Variants in TCERG1L observed in about 807,000 individuals in gnomAD.
The protein encoded by TCERG1L is transcription elongation regulator 1-like protein.
In TCERG1L, 37 loss-of-function variants were observed where a neutral mutation model predicts 56.3. The observed-to-expected ratio is 0.66, with a 90% CI of 0.51 to 0.87. TCERG1L has a LOEUF of 0.87. Among genes scored for constraint, TCERG1L ranks in the 40% least tolerant of loss-of-function variants. The pLI is 0.00. For synonymous variants in TCERG1L, 324 were observed against 326.3 expected (o/e 0.99, Z 0.08); for missense variants, 799 against 774.2 (o/e 1.03, Z -0.38).
chr10:131,237,799 C>T (rs934955617), intron 4 of TCERG1L, among the ~76,000 whole-genome samples: 8 of 152,178 alleles, frequency 5.3e-5, no homozygotes, highest in African/African-American at 1.9e-4. Flanking sequence ...TCCCTGTAGG[C>T]AGCGAGGGCC....
At chr10:131,211,687 C>G (rs145509750) in intron 4 of TCERG1L, among the ~76,000 whole-genome samples, 308 of 152,190 alleles carry the variant, frequency 2.0e-3, no homozygotes, top group Admixed American at 4.5e-3. Context: ...AAATGCAGCA[C>G]GAAAATTGCA....
chr10:131,274,234 C>T (rs1038559729), intron 3 of TCERG1L, among the ~76,000 whole-genome samples: 1 of 152,186 alleles, frequency 6.6e-6, no homozygotes, highest in Non-Finnish European at 1.5e-5. Context: ...AACGATCATT[C>T]TGTTTCTTCA....
rs1359603463 is a variant in TCERG1L at position 131,192,490 on chromosome 10, C to T, written c.857-25605G>A. On this transcript the variant is annotated intron_variant, in intron 4 of 11. Coordinates refer to ENST00000368642, the MANE Select transcript of TCERG1L (RefSeq NM_174937.4). ...CCTTAAAGAGTTAAAAGTAGATCTA[C>T]CATTTGATCCAGCAATCCCACTACT... Among the ~76,000 whole-genome samples, 10 of 144,064 alleles carry T rather than the reference C, an allele frequency of 6.9e-5. 3 individuals carry two copies. Among genetic ancestry groups the T allele is most frequent in the African/African-American group, 1.6e-4 (6 of 38,220 alleles). 94.5% of individuals were successfully genotyped at this position (144,064 alleles called of 152,430 possible). A position where few individuals can be genotyped will look rare whatever the true frequency, so the allele number is the denominator to read the frequency against.
At chr10:131,254,331 G>A (rs576345653) in intron 4 of TCERG1L, among the ~76,000 whole-genome samples, 1 of 127,958 alleles carries the variant, frequency 7.8e-6, no homozygotes, top group East Asian at 2.3e-4. Flanking sequence ...AGTAAGTATT[G>A]ATTTATTTAT....
chr10:131,174,366 C>A (rs1846124688), intron 4 of TCERG1L, among the ~76,000 whole-genome samples: 1 of 152,182 alleles, frequency 6.6e-6, no homozygotes, highest in Non-Finnish European at 1.5e-5. Flanking sequence ...CTCCTTGAAG[C>A]TGGCGCAGGT....
intron 4 of TCERG1L, among the ~76,000 whole-genome samples, chr10:131,226,881 A>T (rs1224539637): frequency 6.6e-6 from 1 of 152,216 alleles, no homozygotes; most frequent in Non-Finnish European, 1.5e-5. Context: ...TCCTGCTTCA[A>T]CCAAAAAACA....
At chr10:131,120,302 G>A (rs1332463378) in intron 8 of TCERG1L, among the ~76,000 whole-genome samples, 1 of 152,176 alleles carries the variant, frequency 6.6e-6, no homozygotes, top group Admixed American at 6.5e-5. Flanking sequence ...AGACCCAGTG[G>A]AGCTGAGTTC....
In TCERG1L at chr10:131,223,174, G is replaced by A. The variant is rs145115793; in HGVS notation, c.856+37085C>T. On this transcript the variant is annotated intron_variant, in intron 4 of 11. Coordinates refer to ENST00000368642, the MANE Select transcript of TCERG1L (RefSeq NM_174937.4). ...GCACTTCCTCGCGCCAGGAGACCAG[G>A]AGATCTGCCACCTGCACCAGCAGCC... is the stretch of plus-strand genomic sequence containing the variant. Among the ~76,000 whole-genome samples, 604 of 152,340 alleles carry A rather than the reference G, an allele frequency of 4.0e-3. 5 individuals carry two copies. The highest frequency in any genetic ancestry group is 0.013 in the African/African-American group (550 of 41,580).
intron 4 of TCERG1L, among the ~76,000 whole-genome samples, chr10:131,189,858 A>C (rs1297396395): frequency 6.6e-6 from 1 of 152,164 alleles, no homozygotes. Context: ...TTATCTTTTT[A>C]ATAATAGCCA....
At chr10:131,229,954 A>T (rs1845831333) in intron 4 of TCERG1L, among the ~76,000 whole-genome samples, 1 of 152,218 alleles carries the variant, frequency 6.6e-6, no homozygotes, top group Non-Finnish European at 1.5e-5. Flanking sequence ...GCATTGTACA[A>T]GGACGAGGCA....
chr10:131,238,235 C>G (rs987912766), intron 4 of TCERG1L, among the ~76,000 whole-genome samples: 4 of 152,182 alleles, frequency 2.6e-5, no homozygotes, highest in African/African-American at 9.6e-5. Context: ...TTCCGTTGTG[C>G]AGCCATCTCG....
intron 4 of TCERG1L, among the ~76,000 whole-genome samples, chr10:131,168,753 C>G (rs1159780728): frequency 6.6e-6 from 1 of 152,202 alleles, no homozygotes; most frequent in Non-Finnish European, 1.5e-5. Context: ...ATAGGCTGAG[C>G]AGGGATCCCT....
intron 3 of TCERG1L, among the ~76,000 whole-genome samples, chr10:131,263,394 C>G (rs1846251645): frequency 6.6e-6 from 1 of 152,174 alleles, no homozygotes; most frequent in South Asian, 2.1e-4. Flanking sequence ...TGAACTCCCC[C>G]ACTGAACACT....
At chr10:131,202,068 A>T (rs1294784298) in intron 4 of TCERG1L, among the ~76,000 whole-genome samples, 1 of 152,176 alleles carries the variant, frequency 6.6e-6, no homozygotes, top group Non-Finnish European at 1.5e-5. Flanking sequence ...AGACAAACTA[A>T]TTAAGAGTCT....
chr10:131,220,108 G>A (rs1460561649), intron 4 of TCERG1L, among the ~76,000 whole-genome samples: 1 of 152,170 alleles, frequency 6.6e-6, no homozygotes, highest in Non-Finnish European at 1.5e-5. Flanking sequence ...CACCCGCATG[G>A]CCTTTCAGAG....
At chr10:131,280,536 T>C (rs1424422867) in intron 3 of TCERG1L, among the ~76,000 whole-genome samples, 9 of 150,594 alleles carry the variant, frequency 6.0e-5, no homozygotes, top group Admixed American at 2.0e-4. Context: ...GATGCACTTA[T>C]CTCAGTGAGC....
chr10:131,098,703 G>T (rs1845274297), intron 10 of TCERG1L, among the ~76,000 whole-genome samples: 1 of 152,212 alleles, frequency 6.6e-6, no homozygotes, highest in Non-Finnish European at 1.5e-5. Flanking sequence ...GAAACCCGGA[G>T]AATGACTTGG....
At chr10:131,165,556 T>G (rs1025501600) in intron 5 of TCERG1L, among the ~76,000 whole-genome samples, 1 of 152,200 alleles carries the variant, frequency 6.6e-6, no homozygotes, top group African/African-American at 2.4e-5. Context: ...CAGAAACACT[T>G]GTCTCAAAAA....
chr10:131,230,355 G>A (rs766348883), intron 4 of TCERG1L, among the ~76,000 whole-genome samples: 3 of 152,184 alleles, frequency 2.0e-5, no homozygotes, highest in East Asian at 1.9e-4. Flanking sequence ...CAGCTTTCCC[G>A]TGGCCCCTTC....
Sources: allele counts gnomAD v4.1 joint callset (sites outside exome capture counted in the v4.1 genomes callset), GRCh38; gene constraint gnomAD v4.1.1; transcripts MANE v1.5; gene names NCBI Gene and HGNC (gene_info 2026-07-23, HGNC 2026-07-21).